Variants in ZC3H12B observed in about 807,000 individuals in gnomAD.
ZC3H12B encodes the protein zinc finger CCCH-type containing 12B, also known as probable ribonuclease ZC3H12B.
ZC3H12B carries 7 observed loss-of-function variants against 43.9 expected under a neutral mutation model. The ratio of observed to expected loss-of-function variants is 0.16; its 90% CI spans 0.09 to 0.30. The LOEUF is 0.30. Among genes scored for constraint, ZC3H12B ranks in the 10% least tolerant of loss-of-function variants. The pLI is 1.00. For synonymous variants in ZC3H12B, 222 were observed against 241.7 expected, an observed-to-expected ratio of 0.92 and a Z score of 0.76; for missense variants, 475 against 670.2, an observed-to-expected ratio of 0.71 and a Z score of 3.22.
intron 2 of ZC3H12B, among the ~76,000 whole-genome samples, chrX:65,375,025 G>A (rs910273812): frequency 1.8e-5 from 2 of 111,736 alleles, no homozygotes; most frequent in African/African-American, 6.5e-5. Context: ...AGGCACTGAA[G>A]TGGGTAAGAA....
At chrX:65,468,470 GT>G (rs2067854475) in intron 3 of ZC3H12B, among the ~76,000 whole-genome samples, 1 of 101,474 alleles carries the variant, frequency 9.9e-6, no homozygotes, top group African/African-American at 3.9e-5. Flanking sequence ...TTTTAGGATT[GT>G]TTATTCTTTC....
chrX:65,267,942 T>C, the ZC3H12B span, among the ~76,000 whole-genome samples: 14 of 111,307 alleles, frequency 1.3e-4, no homozygotes, highest in Admixed American at 1.9e-4. Context: ...CAAAAAATCA[T>C]GTAGCAGGAA....
chrX:65,361,166 A>G, the ZC3H12B span, among the ~76,000 whole-genome samples: 20 of 112,075 alleles, frequency 1.8e-4, no homozygotes, highest in Non-Finnish European at 1.9e-5. Flanking sequence ...CCATAGCCTT[A>G]GAACTTTTTC....
chrX:65,289,879 A>T, the ZC3H12B span, among the ~76,000 whole-genome samples: 1 of 110,990 alleles, frequency 9.0e-6, no homozygotes, highest in Non-Finnish European at 1.9e-5. Context: ...CTATAATACT[A>T]TTAGAAGAAA....
chrX:65,082,992 T>G, the ZC3H12B span, among the ~76,000 whole-genome samples: 2 of 108,395 alleles, frequency 1.8e-5, no homozygotes, highest in Admixed American at 9.8e-5. Flanking sequence ...ATCAACAGAA[T>G]GAAGGAGAAA....
intron 3 of ZC3H12B, among the ~76,000 whole-genome samples, chrX:65,425,292 C>T (rs1328819984): frequency 1.8e-5 from 2 of 110,746 alleles, no homozygotes; most frequent in Non-Finnish European, 3.8e-5. Flanking sequence ...TATATGAATG[C>T]TAGTGATTTT....
chrX:65,262,412 G>C, the ZC3H12B span, among the ~76,000 whole-genome samples: 2 of 110,787 alleles, frequency 1.8e-5, no homozygotes, highest in South Asian at 7.5e-4. Context: ...GCCTCTGGAA[G>C]ACTAGTTATG....
chrX:65,219,809 TACACACAC>T, the ZC3H12B span, among the ~76,000 whole-genome samples: 254 of 76,704 alleles, frequency 3.3e-3, 1 homozygote, highest in African/African-American at 0.01. Flanking sequence ...TACACACACA[TACACACAC>T]ACACACACAC....
chrX:65,502,037 C>A (rs1354915366), exon 5 of ZC3H12B: 1 of 1,210,798 alleles, frequency 8.3e-7, no homozygotes. Context: ...GGCTATGGAG[C>A]CTGAGGAATG....
At chrX:65,175,046 G>A in the ZC3H12B span, among the ~76,000 whole-genome samples, 5 of 112,341 alleles carry the variant, frequency 4.5e-5, no homozygotes, top group Admixed American at 1.9e-4. Flanking sequence ...GGAATCTTCT[G>A]GTCTTGGGTT....
the ZC3H12B span, among the ~76,000 whole-genome samples, chrX:65,066,466 C>T: frequency 8.9e-6 from 1 of 111,748 alleles, no homozygotes; most frequent in Non-Finnish European, 1.9e-5. Flanking sequence ...GTATCACCAT[C>T]GAGGCTGTAG....
chrX:65,202,029 T>C, the ZC3H12B span, among the ~76,000 whole-genome samples: 3 of 87,960 alleles, frequency 3.4e-5, no homozygotes, highest in Admixed American at 2.7e-4. Flanking sequence ...CTTTCCTTTA[T>C]AAATTACTTT....
the ZC3H12B span, among the ~76,000 whole-genome samples, chrX:65,324,274 C>T: frequency 1.2e-4 from 13 of 111,801 alleles, no homozygotes; most frequent in African/African-American, 4.2e-4. Flanking sequence ...TTGCCCATGC[C>T]TATGTCCTAA....
chrX:65,405,071 A>G (rs1333302559), intron 3 of ZC3H12B, among the ~76,000 whole-genome samples: 2 of 112,297 alleles, frequency 1.8e-5, no homozygotes, highest in Non-Finnish European at 3.8e-5. Context: ...ATACAAACAC[A>G]TGGAAGTTAA....
At chrX:65,214,780 G>T in the ZC3H12B span, among the ~76,000 whole-genome samples, 2 of 111,835 alleles carry the variant, frequency 1.8e-5, no homozygotes, top group Non-Finnish European at 3.8e-5. Flanking sequence ...GAGGGTTTCA[G>T]TTTAATTTAT....
the ZC3H12B span, among the ~76,000 whole-genome samples, chrX:65,279,398 T>C: frequency 9.1e-6 from 1 of 109,485 alleles, no homozygotes; most frequent in Admixed American, 9.8e-5. Context: ...ATTGGTGATA[T>C]TGAGCTTTTT....
At chrX:65,318,704 A>G in the ZC3H12B span, among the ~76,000 whole-genome samples, 2 of 110,543 alleles carry the variant, frequency 1.8e-5, no homozygotes, top group African/African-American at 6.6e-5. Flanking sequence ...ACAGGCGTGA[A>G]CCACCGCATC....
chrX:65,166,526 G>C, the ZC3H12B span, among the ~76,000 whole-genome samples: 1 of 111,963 alleles, frequency 8.9e-6, no homozygotes, highest in Admixed American at 9.5e-5. Flanking sequence ...TGTGTTTATA[G>C]CAGCATCATT....
chrX:65,450,709 GTATA>G (rs769110161), intron 3 of ZC3H12B, among the ~76,000 whole-genome samples: 1 of 19,224 alleles, frequency 5.2e-5, no homozygotes, highest in Non-Finnish European at 6.9e-5. Flanking sequence ...GTGTATATAT[GTATA>G]TGTATACATA....
Sources: allele counts gnomAD v4.1 joint callset (sites outside exome capture counted in the v4.1 genomes callset), GRCh38; gene constraint gnomAD v4.1.1; transcripts MANE v1.5; gene names NCBI Gene and HGNC (gene_info 2026-07-23, HGNC 2026-07-21).